The following MAP4 variants were observed in gnomAD, a reference collection of about 807,000 sequenced individuals.
The protein encoded by MAP4 is microtubule associated protein 4, also known as microtubule-associated protein 4.
MAP4 carries 76 observed loss-of-function variants against 170.2 expected under a neutral mutation model. That is an observed-to-expected ratio of 0.45 (90% confidence interval 0.37 to 0.54). The LOEUF (loss-of-function observed/expected upper bound fraction) is 0.54, where lower values mean the gene tolerates loss of function less well. Among genes scored for constraint, MAP4 ranks in the 20% least tolerant of loss-of-function variants. The pLI, the probability that MAP4 is intolerant of heterozygous loss-of-function variation, is 0.00. For synonymous variants in MAP4, 909 were observed against 994.5 expected, an observed-to-expected ratio of 0.91 and a Z score of 1.62; for missense variants, 2,506 against 2,748.0, an observed-to-expected ratio of 0.91 and a Z score of 1.97.
intron 3 of MAP4, 69 bp downstream of exon 3, chr3:47,977,796 A>C: frequency 3.8e-6 from 4 of 1,043,548 alleles, no homozygotes; most frequent in Non-Finnish European, 6.0e-6. Context: ...TGCTCTTCAA[A>C]GGAGATTATC....
At chr3:48,088,311 C>G (rs1215018580) in intron 1 of MAP4, among the ~76,000 whole-genome samples, 2 of 152,080 alleles carry the variant, frequency 1.3e-5, no homozygotes, top group Admixed American at 6.6e-5. Flanking sequence ...TCAGCCCCAC[C>G]CATAATCCCT....
chr3:48,012,678 T>A lies in MAP4; in HGVS notation c.-20+3656A>T, dbSNP rs531772494. 2.6e-5 allele frequency among the ~76,000 whole-genome samples: 4 copies of A among 151,526 alleles called. No individual in the cohort carries two copies. In the South Asian group the frequency reaches 8.4e-4, roughly 32 times the overall value. ...CCCCACCCCGCCCCCAGCCACACAC[T>A]CTCAGATGACTTCCTGGGCTGCATG... On this transcript the variant is annotated intron_variant, in intron 1 of 20. Coordinates refer to ENST00000683076, the MANE Select transcript of MAP4 (RefSeq NM_001385682.1).
At chr3:47,963,591 T>A (rs1234648540) in intron 3 of MAP4, among the ~76,000 whole-genome samples, 2 of 152,222 alleles carry the variant, frequency 1.3e-5, no homozygotes. Flanking sequence ...TCTGGTCTTG[T>A]TTTTAAGTTT....
intron 3 of MAP4, among the ~76,000 whole-genome samples, chr3:47,965,422 T>C (rs755888831): frequency 6.6e-6 from 1 of 152,212 alleles, no homozygotes; most frequent in Non-Finnish European, 1.5e-5. Context: ...TATCCAGAAG[T>C]TGGGTTGCTG....
At position 47,982,802 on chromosome 3, in the gene MAP4, A is replaced by G. The variant is rs980696323; in HGVS notation, c.224-4869T>C. Among the ~76,000 whole-genome samples, 66 of 152,134 alleles carry G rather than the reference A, an allele frequency of 4.3e-4. 4 individuals carry two copies. Among genetic ancestry groups the G allele is most frequent in the Non-Finnish European group, 1.5e-5 (1 of 68,006 alleles). ...AATCAAATGAAAGTAAAGCCACTAAATTTTTTATTGTATGTTTGTAACTGC... is the reference window on the plus strand; with the variant it reads ...AATCAAATGAAAGTAAAGCCACTAAGTTTTTTATTGTATGTTTGTAACTGC... On this transcript the variant is annotated intron_variant, in intron 2 of 20. Coordinates refer to ENST00000683076, the MANE Select transcript of MAP4 (RefSeq NM_001385682.1).
intron 1 of MAP4, among the ~76,000 whole-genome samples, chr3:48,005,235 C>T (rs1168395476): frequency 6.6e-6 from 1 of 152,226 alleles, no homozygotes; most frequent in East Asian, 1.9e-4. Context: ...GTGGTGCACC[C>T]CTGTAATCCC....
At chr3:47,883,252 C>G (rs956004904) in intron 10 of MAP4, among the ~76,000 whole-genome samples, 1 of 151,234 alleles carries the variant, frequency 6.6e-6, no homozygotes, top group Non-Finnish European at 1.5e-5. Flanking sequence ...TTTTGGAGAC[C>G]AAGTTTTGCT....
At chr3:47,928,191 G>A in intron 4 of MAP4, 37 bp downstream of exon 4, 1 of 1,610,354 alleles carries the variant, frequency 6.2e-7, no homozygotes, top group Non-Finnish European at 8.5e-7. Flanking sequence ...TTATGTCATA[G>A]CACACATTTA....
intron 10 of MAP4, among the ~76,000 whole-genome samples, chr3:47,900,304 T>C (rs139209825): frequency 8.3e-4 from 126 of 152,326 alleles, no homozygotes; most frequent in African/African-American, 2.8e-3. Flanking sequence ...TTTAGAAACA[T>C]TTCTCATGTT....
Position 48,035,594 on chromosome 3 carries a change from A to C in MAP4, c.-19-36715T>G, listed in dbSNP as rs576038919. On this transcript the variant is annotated intron_variant, in intron 1 of 18. Transcript: ENST00000360240. ...GGCTGCAGTGAGTCGTGATGGCACC[A>C]CTGCACTCACTCAACAGAGTGAGAT... Among the ~76,000 whole-genome samples the C allele has an allele frequency of 5.3e-5, 8 of 152,118 alleles. No homozygotes were observed. In the East Asian group the frequency reaches 1.5e-3, roughly 29 times the overall value.
chr3:47,862,109 C>T (rs1213255528), intron 17 of MAP4, among the ~76,000 whole-genome samples: 2 of 144,176 alleles, frequency 1.4e-5, no homozygotes, highest in Non-Finnish European at 3.0e-5. Context: ...TTCAGTGAGC[C>T]GAGATCGCGC....
intron 3 of MAP4, chr3:47,973,916 T>C (rs1390641686): frequency 2.0e-6 from 2 of 985,116 alleles, no homozygotes; most frequent in Non-Finnish European, 2.4e-6. Context: ...AAGATAAGCA[T>C]AACCTCTTTC....
At chr3:48,010,514 T>C (rs1164233958) in intron 1 of MAP4, among the ~76,000 whole-genome samples, 2 of 152,216 alleles carry the variant, frequency 1.3e-5, no homozygotes, top group East Asian at 1.9e-4. Flanking sequence ...GTATGAAGGA[T>C]AGTTTTATTA....
At chr3:47,891,413 C>A (rs1328889018) in intron 10 of MAP4, 1 of 1,535,808 alleles carries the variant, frequency 6.5e-7, no homozygotes, top group Non-Finnish European at 8.7e-7. Flanking sequence ...CTGTTCCTCA[C>A]CCACAGTCAT....
upstream of MAP4, among the ~76,000 whole-genome samples, chr3:48,019,361 G>C (rs1215088981): frequency 6.6e-6 from 1 of 152,028 alleles, no homozygotes; most frequent in Non-Finnish European, 1.5e-5. Context: ...GAGAGAGAAA[G>C]AGAGAAAGAT....
chr3:47,986,481 C>T (rs148426014), intron 2 of MAP4, among the ~76,000 whole-genome samples: 1,604 of 152,208 alleles, frequency 0.011, 28 homozygotes, highest in African/African-American at 0.037. Context: ...GCCGGGATTA[C>T]AGGCGCATGC....
intron 3 of MAP4, chr3:47,960,398 C>A: frequency 4.2e-6 from 1 of 240,090 alleles, no homozygotes; most frequent in South Asian, 7.1e-5. Flanking sequence ...CTGTCTTCCT[C>A]ATCAACAGGC....
At chr3:47,995,273 CAG>C (rs1479332307) in intron 2 of MAP4, among the ~76,000 whole-genome samples, 6 of 124,448 alleles carry the variant, frequency 4.8e-5, no homozygotes, top group Non-Finnish European at 8.0e-5. Flanking sequence ...TTTTTTGAGA[CAG>C]AGTCTCGTTC....
chr3:48,076,653 T>C (rs1212316666), intron 1 of MAP4, among the ~76,000 whole-genome samples: 1 of 151,976 alleles, frequency 6.6e-6, no homozygotes, highest in African/African-American at 2.4e-5. Context: ...CACTCCAGCC[T>C]GGACAAAAGA....
Sources: allele counts gnomAD v4.1 joint callset (sites outside exome capture counted in the v4.1 genomes callset), GRCh38; gene constraint gnomAD v4.1.1; transcripts MANE v1.5; gene names NCBI Gene and HGNC (gene_info 2026-07-23, HGNC 2026-07-21).